The following GABBR2 variants were observed in gnomAD, a reference collection of about 807,000 sequenced individuals.
GABBR2 encodes gamma-aminobutyric acid type B receptor subunit 2.
GABBR2 carries 23 observed loss-of-function variants against 105.6 expected under a neutral mutation model. The ratio of observed to expected loss-of-function variants is 0.22; its 90% CI spans 0.16 to 0.31. The LOEUF is 0.31. GABBR2 is among the 10% of genes least tolerant of loss of function. The pLI, the probability that GABBR2 is intolerant of heterozygous loss-of-function variation, is 1.00. For synonymous variants in GABBR2, 478 were observed against 499.7 expected, an observed-to-expected ratio of 0.96 and a Z score of 0.58; for missense variants, 734 against 1,245.5, an observed-to-expected ratio of 0.59 and a Z score of 6.18.
chr9:98,299,302 T>C lies in GABBR2; in HGVS notation c.2464A>G (p.Lys822Glu), dbSNP rs1830431350. ...TGGTTCTGTTTAATGTAGGTGGTCTTTTCTGGTGTGTCCTGCAGCTGCATG... is the reference window on the plus strand; with the variant it reads ...TGGTTCTGTTTAATGTAGGTGGTCTCTTCTGGTGTGTCCTGCAGCTGCATG... ...VTMQLQDTPE[K>E]TTYIKQNHYQ... The change falls in exon 17 of 19, where the codon AAG becomes GAG. Residue 822 changes from lysine (K) to glutamate (E), a missense_variant. Around this residue, in one of 7 missense-constraint regions of GABBR2, gnomAD observed 134 missense variants for 171.2 expected, o/e 0.78. Transcript: ENST00000259455. The C allele has an allele frequency of 6.2e-7, 1 of 1,614,040 alleles. No individual in the cohort carries two copies. The highest frequency in any genetic ancestry group is 8.5e-7 in the Non-Finnish European group (1 of 1,179,888).
intron 1 of GABBR2, among the ~76,000 whole-genome samples, chr9:98,614,009 T>G (rs1588253153): frequency 6.6e-6 from 1 of 152,332 alleles, no homozygotes; most frequent in South Asian, 2.1e-4. Context: ...TTGTGATGCA[T>G]GATTACAATT....
At chr9:98,489,925 T>G (rs1380962416) in intron 4 of GABBR2, among the ~76,000 whole-genome samples, 1 of 152,164 alleles carries the variant, frequency 6.6e-6, no homozygotes, top group Non-Finnish European at 1.5e-5. Flanking sequence ...AAACACCATC[T>G]CTACTAAAAA....
chr9:98,604,719 A>G (rs1829387168), intron 1 of GABBR2, among the ~76,000 whole-genome samples: 1 of 152,228 alleles, frequency 6.6e-6, no homozygotes, highest in Admixed American at 6.5e-5. Context: ...GGCCCTTTCT[A>G]GGTTACAAAG....
chr9:98,293,672 C>T, intron 18 of GABBR2, 113 bp downstream of exon 18: 3 of 648,762 alleles, frequency 4.6e-6, no homozygotes, highest in Non-Finnish European at 8.3e-6. Context: ...CATGGGATGG[C>T]TGTGGAAAGC....
chr9:98,584,633 A>G (rs1190918457), intron 1 of GABBR2, among the ~76,000 whole-genome samples: 1 of 152,252 alleles, frequency 6.6e-6, no homozygotes, highest in Non-Finnish European at 1.5e-5. Context: ...TCATTTTTAA[A>G]GAATTAAAAT....
intron 11 of GABBR2, among the ~76,000 whole-genome samples, chr9:98,380,643 T>C (rs751605351): frequency 6.6e-5 from 10 of 152,216 alleles, no homozygotes; most frequent in African/African-American, 9.6e-5. Context: ...GCACGGGGTA[T>C]AGCTGGAGCT....
At chr9:98,618,486 A>ATCTCTCTCTCTCTCTC (rs10611275) in intron 1 of GABBR2, among the ~76,000 whole-genome samples, 8 of 145,072 alleles carry the variant, frequency 5.5e-5, no homozygotes, top group African/African-American at 1.8e-4. Flanking sequence ...GGTCTGCTGC[A>ATCTCTCTCTCTCTCTC]TCTCTCTCTC....
chr9:98,436,611 T>C (rs920949311), intron 7 of GABBR2, among the ~76,000 whole-genome samples: 1 of 150,940 alleles, frequency 6.6e-6, no homozygotes, highest in Non-Finnish European at 1.5e-5. Flanking sequence ...GCATGCAACC[T>C]TGATCTGCAG....
intron 1 of GABBR2, among the ~76,000 whole-genome samples, chr9:98,601,296 C>T (rs1829327699): frequency 6.6e-6 from 1 of 152,182 alleles, no homozygotes; most frequent in Non-Finnish European, 1.5e-5. Context: ...AAGGGAAGAT[C>T]ATTTGAGGCC....
At chr9:98,504,445 G>C (rs1158423244) in intron 3 of GABBR2, among the ~76,000 whole-genome samples, 1 of 152,218 alleles carries the variant, frequency 6.6e-6, no homozygotes, top group East Asian at 1.9e-4. Flanking sequence ...TGCACCAGCA[G>C]AGGAACCATC....
rs2131445138 is a variant in GABBR2, at chr9:98,362,683, AGGCTTCCCTCCTGCCGGCATGGAG to A, written c.1893+8_1893+31del. 1.4e-6 allele frequency: 2 copies of A among 1,470,528 alleles called. No homozygotes were observed. The highest frequency in any genetic ancestry group is 1.8e-6 in the Non-Finnish European group (2 of 1,108,582). The allele number at this position is 1,470,528 out of a possible 1,614,324, so 91.1% of individuals were successfully genotyped here. On this transcript the variant is annotated splice_region_variant and intron_variant, in intron 13 of 18. Transcript: ENST00000259455. ...CTCATGTGCCAGGGGCTGCATCTGC[AGGCTTCCCTCCTGCCGGCATGGAG>A]GGCTTACCTCCATGCTGTACTTCTC...
At chr9:98,683,264 T>C (rs1426153037) in intron 1 of GABBR2, among the ~76,000 whole-genome samples, 4 of 152,228 alleles carry the variant, frequency 2.6e-5, no homozygotes, top group African/African-American at 4.8e-5. Context: ...CAGCTAATTT[T>C]TCTATTTTTA....
chr9:98,354,935 C>T (rs1831460038), intron 13 of GABBR2, among the ~76,000 whole-genome samples: 4 of 152,204 alleles, frequency 2.6e-5, no homozygotes, highest in Non-Finnish European at 5.9e-5. Context: ...TGCCTTCAAC[C>T]TGCCTTCCTC....
intron 2 of GABBR2, among the ~76,000 whole-genome samples, chr9:98,576,942 G>GGATGGATGGAAGGATGGATA (rs1294262165): frequency 6.6e-6 from 1 of 151,122 alleles, no homozygotes; most frequent in Non-Finnish European, 1.5e-5. Flanking sequence ...ATGGATGGAT[G>GGATGGATGGAAGGATGGATA]GATGGATGGA....
At chr9:98,424,992 C>G (rs966544225) in intron 7 of GABBR2, among the ~76,000 whole-genome samples, 5 of 151,844 alleles carry the variant, frequency 3.3e-5, no homozygotes, top group African/African-American at 1.2e-4. Flanking sequence ...CTTTAAAGTT[C>G]ATATGGAACC....
At chr9:98,479,689 C>A (rs1298001419) in intron 5 of GABBR2, among the ~76,000 whole-genome samples, 2 of 152,194 alleles carry the variant, frequency 1.3e-5, no homozygotes, top group African/African-American at 2.4e-5. Context: ...AGGAGCTGGG[C>A]AGGTCTCCCT....
chr9:98,482,310 C>T (rs1014997282), intron 4 of GABBR2, among the ~76,000 whole-genome samples: 2 of 152,120 alleles, frequency 1.3e-5, no homozygotes, highest in Admixed American at 6.5e-5. Flanking sequence ...AATCATCTTT[C>T]GTTTGCAAGC....
intron 1 of GABBR2, among the ~76,000 whole-genome samples, chr9:98,651,817 A>T (rs1005940366): frequency 6.6e-6 from 1 of 152,234 alleles, no homozygotes; most frequent in Non-Finnish European, 1.5e-5. Flanking sequence ...TCAAACACTT[A>T]TGACATTTAT....
chr9:98,500,546 C>T (rs1827377398), intron 3 of GABBR2, among the ~76,000 whole-genome samples: 1 of 152,170 alleles, frequency 6.6e-6, no homozygotes, highest in African/African-American at 2.4e-5. Context: ...CTGGGGCTAC[C>T]CAAAGGGGAA....
Sources: gnomAD v4.1 joint callset for allele counts (sites outside exome capture counted in the v4.1 genomes callset) on GRCh38, gnomAD v4.1.1 for gene constraint, gnomAD v4.1.1 regional missense constraint, MANE v1.5 for transcripts, NCBI Gene and HGNC (gene_info 2026-07-23, HGNC 2026-07-21) for gene names.